The following LARS1 variants were observed in gnomAD, a reference collection of about 807,000 sequenced individuals.
LARS1 encodes leucine--tRNA ligase, cytoplasmic.
A neutral mutation model predicts 162.8 loss-of-function variants in LARS1; 100 were observed. The ratio of observed to expected loss-of-function variants is 0.61; its 90% CI spans 0.52 to 0.73. LARS1 has a LOEUF of 0.73. LARS1 is among the 30% of genes least tolerant of loss of function. The pLI is 0.00. For missense variants in LARS1, 1,258 were observed against 1,408.9 expected, an observed-to-expected ratio of 0.89 and a Z score of 1.71; for synonymous variants, 457 against 462.8, an observed-to-expected ratio of 0.99 and a Z score of 0.16.
At chr5:146,117,909 G>A (rs1379771465) in intron 31 of LARS1, among the ~76,000 whole-genome samples, 3 of 152,200 alleles carry the variant, frequency 2.0e-5, no homozygotes, top group African/African-American at 7.2e-5. Flanking sequence ...ACAGTGTGGT[G>A]CGAATGTAAA....
intron 4 of LARS1, among the ~76,000 whole-genome samples, chr5:146,169,729 A>G (rs1754176472): frequency 6.6e-6 from 1 of 151,964 alleles, no homozygotes; most frequent in African/African-American, 2.4e-5. Flanking sequence ...TTGTATTTTT[A>G]GTAGAGATGG....
chr5:146,152,720 T>C (rs1753350013), intron 13 of LARS1, among the ~76,000 whole-genome samples: 1 of 152,246 alleles, frequency 6.6e-6, no homozygotes, highest in East Asian at 1.9e-4. Flanking sequence ...TTAATTCCTC[T>C]GGATCTTTCA....
intron 6 of LARS1, among the ~76,000 whole-genome samples, chr5:146,161,753 CAAAA>C (rs202231403): frequency 7.7e-6 from 1 of 130,262 alleles, no homozygotes; most frequent in Non-Finnish European, 1.6e-5. Flanking sequence ...AACTCCATCT[CAAAA>C]AAAAAAAAAA....
chr5:146,123,115 A>G (rs1751899240), intron 29 of LARS1, among the ~76,000 whole-genome samples: 1 of 152,060 alleles, frequency 6.6e-6, no homozygotes, highest in Non-Finnish European at 1.5e-5. Context: ...TTTAATATTT[A>G]TTAATTTCAT....
intron 2 of LARS1, among the ~76,000 whole-genome samples, chr5:146,174,792 A>C: frequency 6.6e-6 from 1 of 151,798 alleles, no homozygotes. Flanking sequence ...AAGTATATTG[A>C]GAAGATTAAG....
chr5:146,182,455 G>A (rs200790901), intron 1 of LARS1, 33 bp downstream of exon 1: 2 of 1,613,816 alleles, frequency 1.2e-6, no homozygotes, highest in East Asian at 4.5e-5. Context: ...TCCGGCTCCA[G>A]GGCCCCTGCG....
In LARS1 at chr5:146,167,541, A is replaced by C. The variant is rs532038866; in HGVS notation, c.432+587T>G. ...GCCTCAGCCTCCCGAGTAGCTGGGA[A>C]TACAGGCGCCCACCACCACGCCCGG... is the stretch of plus-strand genomic sequence containing the variant. On this transcript the variant is annotated intron_variant, in intron 5 of 31. Transcript: ENST00000394434. Among the ~76,000 whole-genome samples, 175 of 152,046 alleles carry C rather than the reference A, an allele frequency of 1.2e-3. 1 individual carries two copies. The highest frequency in any genetic ancestry group is 1.9e-3 in the Non-Finnish European group (132 of 67,950).
chr5:146,168,178 T>C lies in LARS1; in HGVS notation c.382A>G (p.Ser128Gly), dbSNP rs967076597. 3.1e-6 allele frequency: 5 copies of C among 1,611,668 alleles called. No individual in the cohort carries two copies. Among genetic ancestry groups the C allele is most frequent in the Non-Finnish European group, 3.4e-6 (4 of 1,177,908 alleles). Reference sequence around the variant, plus strand: ...ATTATTATATCTTCTGTTTTAACACTGGTTTCTTCCTCTTCCTCTTCTTCA... The same window carrying C: ...ATTATTATATCTTCTGTTTTAACACCGGTTTCTTCCTCTTCCTCTTCTTCA... The part of the protein sequence containing the change: ...PDEEEEEEET[S>G]VKTEDIIIKD... Residue 128 changes from serine (S) to glycine (G), a missense_variant, in exon 5 of 32, where the codon AGT becomes GGT. Ser to Gly is a moderately conservative substitution (Grantham distance 56). Transcript: ENST00000394434.
chr5:146,143,854 T>C (rs946416661), intron 18 of LARS1, among the ~76,000 whole-genome samples: 1 of 151,400 alleles, frequency 6.6e-6, no homozygotes, highest in Admixed American at 6.6e-5. Flanking sequence ...CAAAAAAAAT[T>C]AGCCAGGCAT....
intron 27 of LARS1, among the ~76,000 whole-genome samples, chr5:146,127,448 TA>T (rs1247424213): frequency 6.6e-6 from 1 of 152,014 alleles, no homozygotes; most frequent in East Asian, 1.9e-4. Context: ...TACAAAAATC[TA>T]AAAGACAGCT....
chr5:146,154,840 T>C (rs1753450084), intron 10 of LARS1, among the ~76,000 whole-genome samples: 1 of 152,112 alleles, frequency 6.6e-6, no homozygotes, highest in Non-Finnish European at 1.5e-5. Context: ...CATTATTTTA[T>C]ACCTACTAGA....
At chr5:146,169,143 A>T (rs1754148990) in intron 4 of LARS1, among the ~76,000 whole-genome samples, 1 of 152,200 alleles carries the variant, frequency 6.6e-6, no homozygotes, top group South Asian at 2.1e-4. Context: ...TTACTGTCAC[A>T]TATACTCTAT....
In LARS1 at chr5:146,114,210, C is replaced by G; in HGVS notation, c.3427G>C (p.Glu1143Gln). 1 of 1,613,706 alleles carries G rather than the reference C, an allele frequency of 6.2e-7. No homozygotes were observed. The highest frequency in any genetic ancestry group is 1.1e-5 in the South Asian group (1 of 91,042). Residue 1143 changes from glutamate to glutamine, a missense_variant, in exon 32 of 32, where the codon GAG becomes CAG. By Grantham distance (29) the Glu-to-Gln change is conservative. Transcript: ENST00000394434. ...AGGTCCACATTGAAAACAGCATGCT[C>G]AGAAATGGGGGTCTTCTCGGTGTAC... is the stretch of plus-strand genomic sequence containing the variant. ...KEYTEKTPIS[E>Q]HAVFNVDLMS...
At chr5:146,162,353 T>G (rs1377541164) in intron 6 of LARS1, among the ~76,000 whole-genome samples, 1 of 152,214 alleles carries the variant, frequency 6.6e-6, no homozygotes, top group Non-Finnish European at 1.5e-5. Flanking sequence ...TTCATCTCCT[T>G]GTATATCTCC....
At chr5:146,147,603 A>C (rs1753071101) in intron 15 of LARS1, among the ~76,000 whole-genome samples, 1 of 152,228 alleles carries the variant, frequency 6.6e-6, no homozygotes, top group Admixed American at 6.5e-5. Flanking sequence ...CAAATAGTAA[A>C]TAAAAGCACA....
Position 146,143,075 on chromosome 5 carries a change from C to G in LARS1, c.1887G>C (p.Gln629His). ...CATAATCCCAAACTTCCTTGGTCAT[C>G]TGTTGCGGTCTGTATTAAAAATAAA... ...AESPLGIRPQ[Q>H]MTKEVWDYVF... The change falls in exon 20 of 32, where the codon CAG becomes CAC. Residue 629 changes from glutamine to histidine, a missense_variant. Physicochemically the swap from Gln to His is conservative, Grantham distance 24 (BLOSUM62 0). Coordinates refer to ENST00000394434, the MANE Select transcript of LARS1 (RefSeq NM_020117.11). 9.3e-6 allele frequency: 15 copies of G among 1,605,984 alleles called. No homozygotes were observed. Among genetic ancestry groups the G allele is most frequent in the Non-Finnish European group, 1.3e-5 (15 of 1,175,060 alleles).
At position 146,160,656 on chromosome 5, in the gene LARS1, C is replaced by A. The variant is rs182801361; in HGVS notation, c.595-170G>T. 0.22 allele frequency among the ~76,000 whole-genome samples: 33,621 copies of A among 151,740 alleles called. 4,714 individuals carry two copies. The highest frequency in any genetic ancestry group is 0.33 in the Admixed American group (5,083 of 15,220). On this transcript the variant is annotated intron_variant, in intron 6 of 31. Coordinates refer to ENST00000394434, the MANE Select transcript of LARS1 (RefSeq NM_020117.11). ...AGTATATCACAATTACTTTAATTTA[C>A]TTAAAGTATATTTTTAAGCATATAC...
At chr5:146,178,314 T>C (rs910196449) in intron 1 of LARS1, among the ~76,000 whole-genome samples, 1 of 152,016 alleles carries the variant, frequency 6.6e-6, no homozygotes, top group African/African-American at 2.4e-5. Context: ...ACTGTTCATA[T>C]GAAATTTAAA....
At chr5:146,130,412 T>C in intron 24 of LARS1, 1 of 460,608 alleles carries the variant, frequency 2.2e-6, no homozygotes, top group Non-Finnish European at 3.8e-6. Context: ...GACATAAAAG[T>C]TGAACAACTT....
Sources: gnomAD v4.1 joint callset for allele counts (sites outside exome capture counted in the v4.1 genomes callset) on GRCh38, gnomAD v4.1.1 for gene constraint, MANE v1.5 for transcripts, NCBI Gene and HGNC (gene_info 2026-07-23, HGNC 2026-07-21) for gene names.